RGS7: variants seen among roughly 807,000 people sequenced by gnomAD.
The protein encoded by RGS7 is regulator of G-protein signaling 7.
Under a neutral mutation model 81.1 loss-of-function variants are expected in RGS7, and 27 were observed. The ratio of observed to expected loss-of-function variants is 0.33; its 90% CI spans 0.25 to 0.46. RGS7 has a LOEUF of 0.46. Ranked by LOEUF, RGS7 falls within the 20% of genes least tolerant of loss-of-function variation. The probability of loss-of-function intolerance (pLI) is 1.00; values close to 1 mark genes in which losing one functional copy is unlikely to be tolerated. For missense variants in RGS7, 396 were observed against 607.4 expected (o/e 0.65, Z 3.66); for synonymous variants, 208 against 207.7 (o/e 1.00, Z -0.01).
intron 6 of RGS7, among the ~76,000 whole-genome samples, chr1:240,923,766 C>T (rs1021380022): frequency 4.7e-5 from 7 of 150,364 alleles, no homozygotes; most frequent in Admixed American, 2.0e-4. Context: ...TATTTGAAAG[C>T]ACTGCAATGT....
intron 3 of RGS7, among the ~76,000 whole-genome samples, chr1:241,030,825 A>C (rs1361137181): frequency 3.9e-5 from 6 of 152,134 alleles, no homozygotes; most frequent in African/African-American, 9.7e-5. Context: ...ACATGGTATT[A>C]CACATGGAAA....
chr1:241,242,873 G>C (rs1399268608), intron 2 of RGS7, among the ~76,000 whole-genome samples: 1 of 152,088 alleles, frequency 6.6e-6, no homozygotes, highest in South Asian at 2.1e-4. Context: ...GTACATTCTG[G>C]ATATTAGTCC....
chr1:240,952,840 G>A lies in RGS7; in HGVS notation c.227-16134C>T, dbSNP rs56089877. Among the ~76,000 whole-genome samples the A allele has an allele frequency of 5.8e-3, 876 of 151,824 alleles. 9 individuals carry two copies. Among genetic ancestry groups the A allele is most frequent in the African/African-American group, 0.02 (831 of 41,506 alleles). On this transcript the variant is annotated intron_variant, in intron 4 of 18. Transcript: ENST00000440928. ...AAGACTCATATATGTTAAAAGGGGG[G>A]AAAAGAGATACCATGTTCACACTAA...
chr1:240,786,352 G>C (rs1323962044), intron 18 of RGS7, among the ~76,000 whole-genome samples: 1 of 152,056 alleles, frequency 6.6e-6, no homozygotes, highest in Non-Finnish European at 1.5e-5. Context: ...GTGTATTAAA[G>C]AGATTACATT....
chr1:241,162,222 G>GCGCCCCCCCCCCCCCCCCCCCC (rs68166816), intron 2 of RGS7, among the ~76,000 whole-genome samples: 2 of 142,028 alleles, frequency 1.4e-5, no homozygotes, highest in African/African-American at 5.3e-5. Flanking sequence ...CTGGTGATCA[G>GCGCCCCCCCCCCCCCCCCCCCC]CTTCCAAATA....
chr1:241,346,512 TTCAC>T (rs2082908786), intron 2 of RGS7, among the ~76,000 whole-genome samples: 1 of 152,190 alleles, frequency 6.6e-6, no homozygotes, highest in Non-Finnish European at 1.5e-5. Context: ...CAGGCATTCA[TTCAC>T]TATTTTATTC....
chr1:240,914,438 C>T (rs1310022245), intron 6 of RGS7, among the ~76,000 whole-genome samples: 2 of 152,028 alleles, frequency 1.3e-5, no homozygotes, highest in African/African-American at 2.4e-5. Context: ...ATAATTACCC[C>T]AAAAGAGACA....
intron 2 of RGS7, among the ~76,000 whole-genome samples, chr1:241,112,298 T>C (rs1400891732): frequency 6.6e-6 from 1 of 152,158 alleles, no homozygotes; most frequent in Non-Finnish European, 1.5e-5. Flanking sequence ...GTCTCTGGGA[T>C]GGTCTTAGTA....
chr1:240,877,209 C>G (rs1665573906), intron 6 of RGS7, among the ~76,000 whole-genome samples: 1 of 150,984 alleles, frequency 6.6e-6, no homozygotes, highest in South Asian at 2.1e-4. Context: ...ACCCTTAATT[C>G]CTCCTCATTG....
chr1:241,250,286 GA>G (rs1489118783), intron 2 of RGS7, among the ~76,000 whole-genome samples: 7 of 151,944 alleles, frequency 4.6e-5, no homozygotes, highest in Non-Finnish European at 8.8e-5. Context: ...GAATTTTATC[GA>G]GGGGGAGGAA....
At chr1:240,873,239 G>A (rs1022826214) in intron 6 of RGS7, among the ~76,000 whole-genome samples, 1 of 152,066 alleles carries the variant, frequency 6.6e-6, no homozygotes, top group Admixed American at 6.5e-5. Flanking sequence ...ACATAACCCC[G>A]AATATTTCCT....
At chr1:241,296,269 G>A (rs1573551734) in intron 2 of RGS7, among the ~76,000 whole-genome samples, 1 of 152,130 alleles carries the variant, frequency 6.6e-6, no homozygotes, top group African/African-American at 2.4e-5. Context: ...AAAAGAAGTA[G>A]CCGCTGACAC....
chr1:241,234,149 T>C (rs1361195481), intron 2 of RGS7, among the ~76,000 whole-genome samples: 1 of 152,234 alleles, frequency 6.6e-6, no homozygotes, highest in Non-Finnish European at 1.5e-5. Context: ...GGAACGCATG[T>C]GTGCATGGAC....
rs931126678 is a variant in RGS7, at chr1:241,144,612, C to G, written c.79-45850G>C. On this transcript the variant is annotated intron_variant, in intron 2 of 18. Transcript: ENST00000440928. This position sits in a 1 kb window ranked among gnomAD's most constrained non-coding sequence, Gnocchi z 4.7. ...AAGCCTAATCATCTCTGTGGATGTG[C>G]TGTCCTGGGCCTGCTTCGATAAGTG... Among the ~76,000 whole-genome samples the G allele has an allele frequency of 6.6e-6, 1 of 152,214 alleles. No homozygotes were observed. The highest frequency in any genetic ancestry group is 1.5e-5 in the Non-Finnish European group (1 of 68,036).
In RGS7 at chr1:240,868,714, G is replaced by T. The variant is rs375050109; in HGVS notation, c.528-46C>A. The T allele has an allele frequency of 6.8e-6, 11 of 1,606,680 alleles. No individual in the cohort carries two copies. The South Asian group carries it at 1.1e-4, about 16-fold the overall frequency. ...GATAACATTTAGTATTAATTGTAGT[G>T]CCTCTCTGAACAAAAAGGCCACAAC... On this transcript the variant is annotated intron_variant, in intron 8 of 18. Coordinates refer to ENST00000440928, the MANE Select transcript of RGS7 (RefSeq NM_001364886.1). This position sits in a 1 kb window ranked among gnomAD's most constrained non-coding sequence, Gnocchi z 5.1.
intron 2 of RGS7, among the ~76,000 whole-genome samples, chr1:241,160,308 G>A (rs1187243301): frequency 6.6e-6 from 1 of 152,088 alleles, no homozygotes; most frequent in Non-Finnish European, 1.5e-5. Flanking sequence ...AAAGAGCTCT[G>A]GGTAGGATCT....
intron 2 of RGS7, among the ~76,000 whole-genome samples, chr1:241,257,213 A>G (rs1172518412): frequency 2.6e-5 from 4 of 152,114 alleles, no homozygotes; most frequent in Non-Finnish European, 4.4e-5. Flanking sequence ...CAGCAGATTC[A>G]GTGTCTGTTG....
chr1:240,777,652 C>T (rs1031719642), intron 18 of RGS7, among the ~76,000 whole-genome samples: 1 of 152,126 alleles, frequency 6.6e-6, no homozygotes, highest in Non-Finnish European at 1.5e-5. Context: ...CTGGGAAGTC[C>T]AAGATCTAGA....
intron 2 of RGS7, among the ~76,000 whole-genome samples, chr1:241,147,783 T>C (rs79379787): frequency 0.034 from 3,086 of 90,470 alleles, 109 homozygotes; most frequent in East Asian, 0.14. Flanking sequence ...TTAAGTTTTA[T>C]ATATATATAT....
Sources: gnomAD v4.1 joint callset for allele counts (sites outside exome capture counted in the v4.1 genomes callset) on GRCh38, gnomAD v4.1.1 for gene constraint, Gnocchi (gnomAD v3.1) non-coding constraint, MANE v1.5 for transcripts, NCBI Gene and HGNC (gene_info 2026-07-23, HGNC 2026-07-21) for gene names.